Variants in PTPRD observed in about 807,000 individuals in gnomAD.
PTPRD encodes protein tyrosine phosphatase receptor type D.
A neutral mutation model predicts 214.5 loss-of-function variants in PTPRD; 34 were observed. The observed-to-expected ratio is 0.16, with a 90% CI of 0.12 to 0.21. PTPRD has a LOEUF of 0.21. Among genes scored for constraint, PTPRD ranks in the 10% least tolerant of loss-of-function variants. The probability of loss-of-function intolerance (pLI) is 1.00; values close to 1 mark genes in which losing one functional copy is unlikely to be tolerated. For missense variants in PTPRD, 2,545 were observed against 2,398.7 expected (o/e 1.06, Z -1.27); for synonymous variants, 1,128 against 845.7 (o/e 1.33, Z -5.79).
chr9:9,941,994 C>A (rs1041593164), intron 4 of PTPRD, among the ~76,000 whole-genome samples: 1 of 152,162 alleles, frequency 6.6e-6, no homozygotes. Flanking sequence ...GCCAAAAGTT[C>A]TACCCCACAA....
chr9:8,968,179 A>G (rs1041693890), intron 11 of PTPRD, among the ~76,000 whole-genome samples: 3 of 152,020 alleles, frequency 2.0e-5, no homozygotes, highest in African/African-American at 7.2e-5. Context: ...GTTGGTTCCA[A>G]GTCTTTGCTA....
At chr9:8,362,118 A>C (rs1215466578) in intron 39 of PTPRD, among the ~76,000 whole-genome samples, 1 of 152,216 alleles carries the variant, frequency 6.6e-6, no homozygotes. Flanking sequence ...TCACTCTAAA[A>C]ATGACTTACA....
At chr9:9,122,637 C>T (rs937424208) in intron 10 of PTPRD, among the ~76,000 whole-genome samples, 16 of 152,126 alleles carry the variant, frequency 1.1e-4, no homozygotes, top group African/African-American at 3.1e-4. Context: ...TGACACTTGC[C>T]GCAGTACATG....
At chr9:9,747,125 C>T (rs765428316) in intron 6 of PTPRD, among the ~76,000 whole-genome samples, 2 of 152,106 alleles carry the variant, frequency 1.3e-5, no homozygotes, top group East Asian at 3.9e-4. Flanking sequence ...TTCTGATGTC[C>T]CTAAAAGAAT....
intron 4 of PTPRD, among the ~76,000 whole-genome samples, chr9:9,946,960 A>ATC (rs941526975): frequency 2.6e-5 from 4 of 152,076 alleles, no homozygotes; most frequent in African/African-American, 9.6e-5. Context: ...GATTATATAT[A>ATC]TTAAAATCCT....
At chr9:8,750,260 C>T (rs942994932) in intron 11 of PTPRD, among the ~76,000 whole-genome samples, 2 of 151,910 alleles carry the variant, frequency 1.3e-5, no homozygotes, top group African/African-American at 2.4e-5. Context: ...CAGGTTCAAG[C>T]GATTCTTCTG....
At chr9:9,216,392 T>C (rs973736699) in intron 9 of PTPRD, among the ~76,000 whole-genome samples, 2 of 152,174 alleles carry the variant, frequency 1.3e-5, no homozygotes, top group Non-Finnish European at 2.9e-5. Flanking sequence ...TTCGCAGGGT[T>C]ACAGAAAAGA....
chr9:10,293,224 A>G (rs2095578784), intron 3 of PTPRD, among the ~76,000 whole-genome samples: 1 of 151,892 alleles, frequency 6.6e-6, no homozygotes, highest in African/African-American at 2.4e-5. Context: ...AAGTTCAAGA[A>G]AAAATATTGG....
intron 34 of PTPRD, among the ~76,000 whole-genome samples, chr9:8,448,962 T>C (rs559432111): frequency 2.0e-5 from 3 of 152,212 alleles, no homozygotes; most frequent in African/African-American, 7.2e-5. Flanking sequence ...CTCGGTTTTA[T>C]ATTTTCAGCT....
intron 6 of PTPRD, among the ~76,000 whole-genome samples, chr9:9,740,635 A>T (rs1403885940): frequency 1.3e-5 from 2 of 152,134 alleles, no homozygotes; most frequent in Non-Finnish European, 2.9e-5. Flanking sequence ...AAGTGCTGGG[A>T]TTACAGGCCT....
chr9:10,071,790 GA>G (rs964751430), intron 3 of PTPRD, among the ~76,000 whole-genome samples: 3 of 150,904 alleles, frequency 2.0e-5, no homozygotes, highest in Admixed American at 6.6e-5. Flanking sequence ...TAGTTTCAGG[GA>G]AAAAAAACAG....
intron 5 of PTPRD, among the ~76,000 whole-genome samples, chr9:9,777,513 G>A (rs1046000282): frequency 6.6e-6 from 1 of 152,040 alleles, no homozygotes; most frequent in African/African-American, 2.4e-5. Context: ...TAGAGAACAT[G>A]AAAAAACCCT....
chr9:10,301,947 G>C (rs1357657054), intron 3 of PTPRD, among the ~76,000 whole-genome samples: 1 of 152,114 alleles, frequency 6.6e-6, no homozygotes, highest in African/African-American at 2.4e-5. Flanking sequence ...CTTGAGAAGA[G>C]CAACCCCAAG....
At chr9:9,770,468 T>C (rs1278062335) in intron 5 of PTPRD, among the ~76,000 whole-genome samples, 1 of 152,142 alleles carries the variant, frequency 6.6e-6, no homozygotes, top group Non-Finnish European at 1.5e-5. Flanking sequence ...TTGGTATTAG[T>C]TATATAAAGA....
chr9:8,503,641 G>A (rs1334072353), intron 23 of PTPRD, among the ~76,000 whole-genome samples: 3 of 152,134 alleles, frequency 2.0e-5, no homozygotes, highest in Non-Finnish European at 2.9e-5. Flanking sequence ...TGAACCCCAG[G>A]AAACAAAATA....
chr9:9,639,386 A>G (rs545926733), intron 7 of PTPRD, among the ~76,000 whole-genome samples: 20 of 152,280 alleles, frequency 1.3e-4, no homozygotes, highest in African/African-American at 4.8e-4. Flanking sequence ...TGGGATATTC[A>G]TTGTTTCCCT....
chr9:9,648,526 G>A (rs529123535), intron 7 of PTPRD, among the ~76,000 whole-genome samples: 53 of 152,278 alleles, frequency 3.5e-4, no homozygotes, highest in Admixed American at 3.9e-4. Context: ...CATTGATGCT[G>A]GAGAGGAGAA....
intron 11 of PTPRD, among the ~76,000 whole-genome samples, chr9:8,835,596 C>G (rs773484645): frequency 3.3e-5 from 5 of 152,216 alleles, no homozygotes; most frequent in Non-Finnish European, 5.9e-5. Flanking sequence ...GTGGCACAAT[C>G]ATGGTTCACT....
At chr9:8,630,824 A>G (rs1434680902) in intron 14 of PTPRD, among the ~76,000 whole-genome samples, 1 of 151,894 alleles carries the variant, frequency 6.6e-6, no homozygotes, top group Non-Finnish European at 1.5e-5. Context: ...ATTTCTAAGT[A>G]AAGTGATATT....
Sources: allele counts gnomAD v4.1 joint callset (sites outside exome capture counted in the v4.1 genomes callset), GRCh38; gene constraint gnomAD v4.1.1; transcripts MANE v1.5; gene names NCBI Gene and HGNC (gene_info 2026-07-23, HGNC 2026-07-21).